ANKRD29: variants seen among roughly 807,000 people sequenced by gnomAD.
ANKRD29 encodes ankyrin repeat domain 29, also known as ankyrin repeat domain-containing protein 29.
Under a neutral mutation model 38.0 loss-of-function variants are expected in ANKRD29, and 32 were observed. The ratio of observed to expected loss-of-function variants is 0.84; its 90% CI spans 0.64 to 1.13. The LOEUF (loss-of-function observed/expected upper bound fraction) is 1.13. Among genes scored for constraint, ANKRD29 ranks in the 50% most tolerant of loss-of-function variants. The probability of loss-of-function intolerance (pLI) is 0.00; values close to 1 mark genes in which losing one functional copy is unlikely to be tolerated. For synonymous variants in ANKRD29, 135 were observed against 152.4 expected, an observed-to-expected ratio of 0.89 and a Z score of 0.84; for missense variants, 357 against 377.9, an observed-to-expected ratio of 0.94 and a Z score of 0.46.
chr18:23,649,299 T>G (rs1568047617), intron 1 of ANKRD29, 106 bp from the exon 2 acceptor site: 1 of 845,496 alleles, frequency 1.2e-6, no homozygotes, highest in Non-Finnish European at 1.9e-6. Flanking sequence ...CCAGATGTGT[T>G]GCATCATTTG....
chr18:23,623,588 C>T (rs973832143), intron 6 of ANKRD29, among the ~76,000 whole-genome samples: 2 of 151,724 alleles, frequency 1.3e-5, no homozygotes, highest in African/African-American at 4.8e-5. Context: ...AGTTCAAGAT[C>T]AGCCTCAGCA....
intron 8 of ANKRD29, among the ~76,000 whole-genome samples, chr18:23,614,669 A>G (rs1652365): frequency 1.5e-5 from 2 of 137,524 alleles, no homozygotes; most frequent in South Asian, 4.6e-4. Flanking sequence ...CCCTGTCTCC[A>G]AAAAAAAAAA....
chr18:23,629,086 G>A (rs2059897307), intron 6 of ANKRD29, among the ~76,000 whole-genome samples: 1 of 152,236 alleles, frequency 6.6e-6, no homozygotes, highest in African/African-American at 2.4e-5. Context: ...CCAGGTTCAA[G>A]TGATTCTCCT....
chr18:23,618,108 G>C (rs976662125), intron 7 of ANKRD29, among the ~76,000 whole-genome samples: 1 of 152,208 alleles, frequency 6.6e-6, no homozygotes, highest in Non-Finnish European at 1.5e-5. Flanking sequence ...CAGGGGACAA[G>C]GGGAATTTCA....
At chr18:23,626,057 C>T (rs1308528281) in intron 6 of ANKRD29, among the ~76,000 whole-genome samples, 1 of 152,204 alleles carries the variant, frequency 6.6e-6, no homozygotes, top group Admixed American at 6.5e-5. Flanking sequence ...CCTGCCCTTG[C>T]CAAGCAGCAA....
At position 23,636,563 on chromosome 18, in the gene ANKRD29, G is replaced by T. The variant is rs370890968; in HGVS notation, c.330+2286C>A. Among the ~76,000 whole-genome samples, 6 of 150,532 alleles carry T rather than the reference G, an allele frequency of 4.0e-5. No homozygotes were observed. The East Asian group carries it at 1.2e-3, about 30-fold the overall frequency. ...TTACAGGTGTGAGCCATCCCACCTGGCCTCTTTGATTTAATTAAAAAAATT... is the reference window on the plus strand; with the variant it reads ...TTACAGGTGTGAGCCATCCCACCTGTCCTCTTTGATTTAATTAAAAAAATT... On this transcript the variant is annotated intron_variant, in intron 4 of 9. Transcript: ENST00000592179.
intron 8 of ANKRD29, among the ~76,000 whole-genome samples, chr18:23,616,570 T>C (rs2090859796): frequency 7.3e-6 from 1 of 136,654 alleles, no homozygotes. Flanking sequence ...ATATACACTA[T>C]ATATACAGTA....
intron 9 of ANKRD29, among the ~76,000 whole-genome samples, chr18:23,611,712 GC>G (rs2059643955): frequency 1.3e-5 from 2 of 151,576 alleles, no homozygotes; most frequent in South Asian, 4.2e-4. Context: ...CATTGATAGC[GC>G]CCTCACCCAT....
chr18:23,626,684 A>AT (rs2059866319), intron 6 of ANKRD29, among the ~76,000 whole-genome samples: 1 of 152,208 alleles, frequency 6.6e-6, no homozygotes, highest in African/African-American at 2.4e-5. Context: ...TGGGATTATG[A>AT]TTCCTCATCC....
At chr18:23,660,375 C>T (rs2060343874) in intron 1 of ANKRD29, among the ~76,000 whole-genome samples, 2 of 152,202 alleles carry the variant, frequency 1.3e-5, no homozygotes, top group South Asian at 2.1e-4. Flanking sequence ...TTCATATGTC[C>T]ACTTTAAAAT....
At chr18:23,619,484 G>A (rs767544290) in intron 7 of ANKRD29, 47 bp downstream of exon 7, 22 of 1,513,596 alleles carry the variant, frequency 1.5e-5, no homozygotes, top group Non-Finnish European at 1.9e-5. Context: ...CTCCACACAG[G>A]CGCGCCGGGA....
chr18:23,626,122 T>A (rs1269942371), intron 6 of ANKRD29, among the ~76,000 whole-genome samples: 1 of 152,212 alleles, frequency 6.6e-6, no homozygotes, highest in Non-Finnish European at 1.5e-5. Context: ...TCTACGCTAA[T>A]CTTTTGGCTC....
chr18:23,658,389 G>C (rs190037187), intron 1 of ANKRD29, among the ~76,000 whole-genome samples: 2 of 152,196 alleles, frequency 1.3e-5, no homozygotes, highest in Non-Finnish European at 2.9e-5. Flanking sequence ...GCGACAGAGT[G>C]AGACCCTGTC....
At chr18:23,610,611 A>G (rs896243229) in intron 9 of ANKRD29, among the ~76,000 whole-genome samples, 1 of 152,178 alleles carries the variant, frequency 6.6e-6, no homozygotes, top group Non-Finnish European at 1.5e-5. Context: ...CCTGGGCAAC[A>G]CAGCAAGAAC....
Position 23,629,841 on chromosome 18 carries a change from A to G in ANKRD29, c.528+12T>C, listed in dbSNP as rs768261556. On this transcript the variant is annotated intron_variant, in intron 6 of 9. Transcript: ENST00000592179. ...GCCATGTGCTCGGGCAAATGTCAAC[A>G]GTGGACATTACCTGCCTTGGCTGGT... 5 of 1,611,594 alleles carry G rather than the reference A, an allele frequency of 3.1e-6. No individual in the cohort carries two copies. In the Admixed American group the frequency reaches 5.0e-5, roughly 16 times the overall value.
intron 9 of ANKRD29, among the ~76,000 whole-genome samples, chr18:23,602,343 C>T (rs1266959705): frequency 2.0e-5 from 3 of 152,074 alleles, no homozygotes; most frequent in Non-Finnish European, 4.4e-5. Context: ...GGCCAGATAT[C>T]TTTTGATGAG....
At chr18:23,632,005 A>C (rs1286867226) in intron 5 of ANKRD29, among the ~76,000 whole-genome samples, 1 of 152,148 alleles carries the variant, frequency 6.6e-6, no homozygotes, top group Admixed American at 6.5e-5. Flanking sequence ...ACTAACCTCA[A>C]GCAAAAATAT....
At position 23,630,288 on chromosome 18, in the gene ANKRD29, G is replaced by A. The variant is rs375370837; in HGVS notation, c.430-337C>T. On this transcript the variant is annotated intron_variant, in intron 5 of 9. Coordinates refer to ENST00000592179, the MANE Select transcript of ANKRD29 (RefSeq NM_173505.4). ...AAAAATACAAAATAATTAGCCAGGC[G>A]TGGTGGCGGGCACCTATAATCCCAG... 2.6e-3 allele frequency among the ~76,000 whole-genome samples: 392 copies of A among 152,312 alleles called. 4 individuals are homozygous for A. In the Middle Eastern group the frequency reaches 0.048, roughly 19 times the overall value.
At chr18:23,631,084 G>C (rs1200761352) in intron 5 of ANKRD29, among the ~76,000 whole-genome samples, 1 of 151,676 alleles carries the variant, frequency 6.6e-6, no homozygotes, top group Non-Finnish European at 1.5e-5. Context: ...CCCCCAACAT[G>C]AGGGTTCTGC....
Sources: gnomAD v4.1 joint callset for allele counts (sites outside exome capture counted in the v4.1 genomes callset) on GRCh38, gnomAD v4.1.1 for gene constraint, MANE v1.5 for transcripts, NCBI Gene and HGNC (gene_info 2026-07-23, HGNC 2026-07-21) for gene names.